The following NEK9 variants were observed in gnomAD, a reference collection of about 807,000 sequenced individuals.
NEK9 encodes NIMA related kinase 9.
NEK9 carries 75 observed loss-of-function variants against 123.4 expected under a neutral mutation model. The observed-to-expected ratio is 0.61, with a 90% confidence interval of 0.50 to 0.74. The LOEUF is 0.74. Ranked by LOEUF, NEK9 falls within the 30% of genes least tolerant of loss-of-function variation. The pLI is 0.00. For synonymous variants in NEK9, 438 were observed against 458.7 expected, an observed-to-expected ratio of 0.95 and a Z score of 0.58; for missense variants, 952 against 1,214.4, an observed-to-expected ratio of 0.78 and a Z score of 3.21.
intron 8 of NEK9, among the ~76,000 whole-genome samples, chr14:75,112,462 T>C (rs1258204558): frequency 1.3e-5 from 2 of 152,284 alleles, no homozygotes; most frequent in Middle Eastern, 3.4e-3. Context: ...CGACTTCAAA[T>C]ATGGGCAAAA....
At chr14:75,112,050 C>G (rs1894974950) in intron 8 of NEK9, among the ~76,000 whole-genome samples, 2 of 152,298 alleles carry the variant, frequency 1.3e-5, no homozygotes, top group Non-Finnish European at 2.9e-5. Context: ...ATCTGGAGTA[C>G]TGTACATAAT....
intron 2 of NEK9, among the ~76,000 whole-genome samples, chr14:75,122,203 AT>A (rs1895361840): frequency 6.6e-6 from 1 of 151,726 alleles, no homozygotes; most frequent in Non-Finnish European, 1.5e-5. Context: ...TAAATGTATC[AT>A]TTGTTCCAGT....
chr14:75,115,040 T>C (rs1895085655), intron 6 of NEK9, among the ~76,000 whole-genome samples: 4 of 151,150 alleles, frequency 2.6e-5, no homozygotes, highest in South Asian at 2.1e-4. Context: ...TATGTATATG[T>C]GCATGTGTAC....
At chr14:75,100,700 T>C (rs761777958) in intron 16 of NEK9, among the ~76,000 whole-genome samples, 1 of 152,216 alleles carries the variant, frequency 6.6e-6, no homozygotes, top group Non-Finnish European at 1.5e-5. Flanking sequence ...ATAGAAGTAC[T>C]TAATAATTCT....
At chr14:75,124,507 A>T (rs1191040161) in intron 1 of NEK9, among the ~76,000 whole-genome samples, 1 of 152,204 alleles carries the variant, frequency 6.6e-6, no homozygotes, top group Non-Finnish European at 1.5e-5. Flanking sequence ...AAAAGATTCT[A>T]TTGAGGATAC....
chr14:75,104,041 C>T lies in NEK9; in HGVS notation c.1576-44G>A, dbSNP rs141171342. On this transcript the variant is annotated intron_variant, in intron 13 of 21. Coordinates refer to ENST00000238616, the MANE Select transcript of NEK9 (RefSeq NM_033116.6). ...AAAAAGAAATCCCAAATATATAATT[C>T]GTATTAGAAAAAAAGCTCTCAAATT... 1,087 of 1,551,874 alleles carry T rather than the reference C, an allele frequency of 7.0e-4. 6 individuals are homozygous for T. In the African/African-American group the frequency reaches 0.013, roughly 19 times the overall value.
chr14:75,109,178 A>G (rs1471499396), intron 10 of NEK9, among the ~76,000 whole-genome samples: 1 of 152,226 alleles, frequency 6.6e-6, no homozygotes. Flanking sequence ...GACAGCAAAC[A>G]CAGACAATTT....
chr14:75,093,605 C>G (rs1037782232), intron 18 of NEK9, among the ~76,000 whole-genome samples: 1 of 152,112 alleles, frequency 6.6e-6, no homozygotes, highest in Non-Finnish European at 1.5e-5. Flanking sequence ...AGGTGTGCAC[C>G]ACCATGCCTG....
At chr14:75,114,875 T>C (rs185155020) in intron 6 of NEK9, among the ~76,000 whole-genome samples, 2 of 152,228 alleles carry the variant, frequency 1.3e-5, no homozygotes, top group East Asian at 1.9e-4. Context: ...TCAATTTATA[T>C]ATGAGAAAAA....
At chr14:75,084,804 T>C (rs552929670) in intron 21 of NEK9, 118 bp from the exon 22 acceptor site, 2 of 1,295,752 alleles carry the variant, frequency 1.5e-6, no homozygotes, top group Non-Finnish European at 2.2e-6. Context: ...GGCTAAGGAT[T>C]TGTAGCCACG....
At position 75,124,130 on chromosome 14, in the gene NEK9, G is replaced by C; in HGVS notation, c.313C>G (p.Leu105Val). 6.2e-7 allele frequency: 1 copy of C among 1,614,068 alleles called. No homozygotes were observed. The highest frequency in any genetic ancestry group is 8.5e-7 in the Non-Finnish European group (1 of 1,179,936). ...DALNEIVILA[L>V]LQHDNIIAYY... ...GCAATAATGTTGTCGTGCTGCAGCA[G>C]TGCCAGAATAACAATCTCATTCAAG... Residue 105 changes from leucine (L) to valine (V), a missense_variant, in exon 2 of 22, where the codon CTG (leucine) becomes GTG (valine). Transcript: ENST00000238616.
chr14:75,090,273 C>T (rs1048174597), intron 19 of NEK9, among the ~76,000 whole-genome samples: 4 of 149,020 alleles, frequency 2.7e-5, no homozygotes, highest in Admixed American at 6.7e-5. Context: ...CCATCATGCT[C>T]GGTCTTTTTT....
chr14:75,107,219 G>C, intron 11 of NEK9, 124 bp downstream of exon 11: 1 of 992,774 alleles, frequency 1.0e-6, no homozygotes, highest in Non-Finnish European at 1.5e-6. Context: ...GAGTATATTT[G>C]CTCAAGGTCC....
At chr14:75,099,795 AAAAG>A (rs2139747113) in intron 16 of NEK9, among the ~76,000 whole-genome samples, 1 of 150,310 alleles carries the variant, frequency 6.7e-6, no homozygotes, top group African/African-American at 2.4e-5. Flanking sequence ...AAAAAAAAAA[AAAAG>A]AAGAGGAGTG....
At chr14:75,089,228 G>A (rs755037978) in intron 19 of NEK9, among the ~76,000 whole-genome samples, 16 of 151,586 alleles carry the variant, frequency 1.1e-4, no homozygotes, top group African/African-American at 3.4e-4. Flanking sequence ...CACCATGCCC[G>A]GCTAATTATT....
chr14:75,115,966 G>A (rs1895128791), intron 6 of NEK9, among the ~76,000 whole-genome samples: 1 of 151,940 alleles, frequency 6.6e-6, no homozygotes, highest in African/African-American at 2.4e-5. Flanking sequence ...TTTTTTCCTA[G>A]TTAATGAATA....
chr14:75,091,007 C>G (rs1188309509), intron 19 of NEK9, among the ~76,000 whole-genome samples: 1 of 152,190 alleles, frequency 6.6e-6, no homozygotes, highest in East Asian at 1.9e-4. Flanking sequence ...ACATGTACTA[C>G]AAAAACTGCC....
chr14:75,099,041 T>C (rs1226909822), intron 16 of NEK9, among the ~76,000 whole-genome samples: 1 of 152,188 alleles, frequency 6.6e-6, no homozygotes, highest in African/African-American at 2.4e-5. Flanking sequence ...TATTTAAATA[T>C]GGTAACAGAT....
chr14:75,101,343 C>T (rs1894573418), intron 15 of NEK9, among the ~76,000 whole-genome samples, 190 bp from the exon 16 acceptor site: 1 of 152,134 alleles, frequency 6.6e-6, no homozygotes, highest in Non-Finnish European at 1.5e-5. Context: ...CAGTCAGCGA[C>T]TCGATATTGT....
Sources: allele counts gnomAD v4.1 joint callset (sites outside exome capture counted in the v4.1 genomes callset), GRCh38; gene constraint gnomAD v4.1.1; transcripts MANE v1.5; gene names NCBI Gene and HGNC (gene_info 2026-07-23, HGNC 2026-07-21).